Variants in FRMPD1 observed in about 807,000 individuals in gnomAD.
FRMPD1 encodes the protein FERM and PDZ domain-containing protein 1.
A neutral mutation model predicts 117.8 loss-of-function variants in FRMPD1; 76 were observed. That is an observed-to-expected ratio of 0.65 (90% CI 0.54 to 0.78). FRMPD1 has a LOEUF of 0.78. Among genes scored for constraint, FRMPD1 ranks in the 30% least tolerant of loss-of-function variants. The pLI, the probability that FRMPD1 is intolerant of heterozygous loss-of-function variation, is 0.00. For synonymous variants in FRMPD1, 783 were observed against 770.4 expected (o/e 1.02, Z -0.27); for missense variants, 1,786 against 1,964.5 (o/e 0.91, Z 1.72).
At chr9:37,689,595 A>T (rs1295001059) in intron 1 of FRMPD1, among the ~76,000 whole-genome samples, 1 of 152,104 alleles carries the variant, frequency 6.6e-6, no homozygotes, top group Non-Finnish European at 1.5e-5. Flanking sequence ...GTCATCCGTG[A>T]TGCTTATTTT....
At chr9:37,708,571 T>C (rs1371443088) in intron 4 of FRMPD1, 70 bp downstream of exon 4, 1 of 925,428 alleles carries the variant, frequency 1.1e-6, no homozygotes, top group Non-Finnish European at 1.8e-6. Flanking sequence ...GCAACAGGAA[T>C]GGCATAACTG....
the FRMPD1 span, among the ~76,000 whole-genome samples, chr9:37,610,632 T>C: frequency 6.6e-6 from 1 of 151,356 alleles, no homozygotes. Flanking sequence ...TTCTCTCTTG[T>C]TGCCCAGGCT....
At chr9:37,629,166 T>G in the FRMPD1 span, among the ~76,000 whole-genome samples, 1 of 151,994 alleles carries the variant, frequency 6.6e-6, no homozygotes, top group South Asian at 2.1e-4. Flanking sequence ...GCCATTGCAC[T>G]CCAGCCTGGG....
At chr9:37,680,204 G>A (rs1335164464) in intron 1 of FRMPD1, among the ~76,000 whole-genome samples, 1 of 152,142 alleles carries the variant, frequency 6.6e-6, no homozygotes, top group East Asian at 1.9e-4. Flanking sequence ...CTAGATAAGA[G>A]GCTAAGCCCT....
the FRMPD1 span, among the ~76,000 whole-genome samples, chr9:37,639,541 T>C: frequency 2.1e-4 from 32 of 152,336 alleles, no homozygotes; most frequent in Middle Eastern, 6.8e-3. Context: ...TTATGTCTCC[T>C]AGTAGAGCTT....
intron 1 of FRMPD1, among the ~76,000 whole-genome samples, chr9:37,671,094 A>G (rs1821334881): frequency 6.6e-6 from 1 of 152,196 alleles, no homozygotes; most frequent in Admixed American, 6.5e-5. Context: ...ATCCAGTAAT[A>G]ACCTGGTAAT....
intron 1 of FRMPD1, among the ~76,000 whole-genome samples, chr9:37,666,609 C>T (rs1273572308): frequency 2.0e-5 from 3 of 152,168 alleles, no homozygotes; most frequent in Non-Finnish European, 4.4e-5. Context: ...AAAGCCTTCC[C>T]TGATAGCTCA....
intron 14 of FRMPD1, among the ~76,000 whole-genome samples, chr9:37,739,186 A>T (rs1010414223): frequency 2.0e-5 from 3 of 152,156 alleles, no homozygotes; most frequent in Non-Finnish European, 4.4e-5. Context: ...GAGAGGGGGA[A>T]GAGCCTGCAG....
At chr9:37,648,664 G>A (rs1343244522), upstream of FRMPD1, among the ~76,000 whole-genome samples, 1 of 152,170 alleles carries the variant, frequency 6.6e-6, no homozygotes, top group Non-Finnish European at 1.5e-5. Flanking sequence ...GTGTCCAGTA[G>A]AGTATGAAGG....
At chr9:37,732,005 A>G (rs1186840050) in intron 9 of FRMPD1, among the ~76,000 whole-genome samples, 1 of 152,248 alleles carries the variant, frequency 6.6e-6, no homozygotes, top group Non-Finnish European at 1.5e-5. Flanking sequence ...TAATAATAGC[A>G]ATAACAACGC....
In FRMPD1 at chr9:37,740,573, C is replaced by T; in HGVS notation, c.2045C>T (p.Thr682Ile). Residue 682 changes from threonine to isoleucine, a missense_variant, in exon 15 of 16, where the codon ACA becomes ATA. Thr to Ile is a moderately conservative substitution (Grantham distance 89). Transcript: ENST00000377765. This position sits in a 1 kb window ranked among gnomAD's most constrained non-coding sequence, Gnocchi z 4.2. ...TTTTCCGAGAGTGCTGCTTTGGAGA[C>T]ATTTGGCTGGGCACCAGAACTGAGC... Reference protein sequence around the residue: ...TEFSESAALETFGWAPELSTV... With the variant: ...TEFSESAALEIFGWAPELSTV... 1 of 1,614,222 alleles carries T rather than the reference C, an allele frequency of 6.2e-7. No individual in the cohort carries two copies. Among genetic ancestry groups the T allele is most frequent in the Non-Finnish European group, 8.5e-7 (1 of 1,180,040 alleles).
intron 15 of FRMPD1, chr9:37,741,099 A>C (rs1051679575): frequency 3.4e-6 from 2 of 580,352 alleles, no homozygotes; most frequent in Non-Finnish European, 6.2e-6. Context: ...AGCAGATGGG[A>C]GGGATTCATC....
At chr9:37,723,270 C>T (rs1037836636) in intron 6 of FRMPD1, among the ~76,000 whole-genome samples, 2 of 152,164 alleles carry the variant, frequency 1.3e-5, no homozygotes, top group Non-Finnish European at 2.9e-5. Context: ...AAATTGCCTC[C>T]CATAAGGGTA....
chr9:37,742,273 C>T (rs1824459872), intron 15 of FRMPD1, among the ~76,000 whole-genome samples: 1 of 152,258 alleles, frequency 6.6e-6, no homozygotes, highest in African/African-American at 2.4e-5. Context: ...CCAGCCTTGC[C>T]CTGCAGGGCC....
chr9:37,729,068 A>T (rs1588962837), intron 7 of FRMPD1, among the ~76,000 whole-genome samples: 1 of 152,040 alleles, frequency 6.6e-6, no homozygotes, highest in Non-Finnish European at 1.5e-5. Flanking sequence ...CAACGTGGCA[A>T]AACCCCGTCT....
At chr9:37,737,361 GA>G in intron 14 of FRMPD1, 118 bp downstream of exon 14, 1 of 762,048 alleles carries the variant, frequency 1.3e-6, no homozygotes, top group Non-Finnish European at 2.2e-6. Flanking sequence ...TCAAGTGGAT[GA>G]GAGCTATTTC....
rs1168990874 is a variant in FRMPD1, at chr9:37,693,092, G to A, written c.101+350G>A. The A allele has an allele frequency of 1.9e-5, 4 of 216,058 alleles. No individual in the cohort carries two copies. The South Asian group carries it at 2.5e-4, about 14-fold the overall frequency. 13.4% of individuals were successfully genotyped at this position (216,058 alleles called of 1,614,324 possible). Reference sequence around the variant, plus strand: ...CACACACTCATACATACACTCTTTTGATCTCTCTCTGACACACACACAGAC... The same window carrying A: ...CACACACTCATACATACACTCTTTTAATCTCTCTCTGACACACACACAGAC... On this transcript the variant is annotated intron_variant, in intron 2 of 15. Coordinates refer to ENST00000377765, the MANE Select transcript of FRMPD1 (RefSeq NM_014907.3).
chr9:37,603,650 GTTTTGTTTTGTTTTGTTTTA>G, the FRMPD1 span, among the ~76,000 whole-genome samples: 157 of 150,746 alleles, frequency 1.0e-3, no homozygotes, highest in African/African-American at 3.6e-3. Context: ...TAGGTTTTTT[GTTTTGTTTTGTTTTGTTTTA>G]TTTTGTTTTG....
At chr9:37,691,158 C>CTTCTTCTAT (rs968026099) in intron 1 of FRMPD1, among the ~76,000 whole-genome samples, 2 of 152,216 alleles carry the variant, frequency 1.3e-5, no homozygotes, top group African/African-American at 4.8e-5. Context: ...GTTTTACTTA[C>CTTCTTCTAT]TTCTTCTATT....
Sources: gnomAD v4.1 joint callset for allele counts (sites outside exome capture counted in the v4.1 genomes callset) on GRCh38, gnomAD v4.1.1 for gene constraint, Gnocchi (gnomAD v3.1) non-coding constraint, MANE v1.5 for transcripts, NCBI Gene and HGNC (gene_info 2026-07-23, HGNC 2026-07-21) for gene names.